Variants in SOX5 observed in about 807,000 individuals in gnomAD.
SOX5 encodes transcription factor SOX-5.
In SOX5, 9 loss-of-function variants were observed where a neutral mutation model predicts 92.0. That is an observed-to-expected ratio of 0.10 (90% CI 0.06 to 0.17). The LOEUF is 0.17. Ranked by LOEUF, SOX5 falls within the 10% of genes least tolerant of loss-of-function variation. SOX5 has a pLI of 1.00. For synonymous variants in SOX5, 344 were observed against 336.3 expected, an observed-to-expected ratio of 1.02 and a Z score of -0.25; for missense variants, 642 against 944.5, an observed-to-expected ratio of 0.68 and a Z score of 4.20.
At chr12:23,778,506 C>A (rs2095177436) in intron 3 of SOX5, among the ~76,000 whole-genome samples, 1 of 152,096 alleles carries the variant, frequency 6.6e-6, no homozygotes, top group Non-Finnish European at 1.5e-5. Flanking sequence ...ATGTGTAGGG[C>A]ATAAAATGGG....
At chr12:24,037,871 G>A (rs544313231) in intron 4 of SOX5, among the ~76,000 whole-genome samples, 10 of 152,094 alleles carry the variant, frequency 6.6e-5, no homozygotes, top group Non-Finnish European at 1.2e-4. Context: ...AGTCCTAATG[G>A]TACTATTACC....
intron 2 of SOX5, among the ~76,000 whole-genome samples, chr12:23,884,369 A>C (rs552145596): frequency 6.6e-6 from 1 of 152,310 alleles, no homozygotes; most frequent in Admixed American, 6.5e-5. Context: ...CCAGAACACA[A>C]ATTAATATAT....
At chr12:23,868,060 TCTCC>T (rs1002358624) in intron 2 of SOX5, among the ~76,000 whole-genome samples, 5 of 151,468 alleles carry the variant, frequency 3.3e-5, no homozygotes, top group African/African-American at 1.2e-4. Flanking sequence ...TCCCTCCTTC[TCTCC>T]CTCCCTCACT....
intron 3 of SOX5, among the ~76,000 whole-genome samples, chr12:24,259,960 T>C (rs1941847771): frequency 6.6e-6 from 1 of 152,124 alleles, no homozygotes; most frequent in South Asian, 2.1e-4. Flanking sequence ...GAAAGACGAA[T>C]TGGAGATTAA....
At chr12:24,236,726 G>T (rs1464500) in intron 3 of SOX5, among the ~76,000 whole-genome samples, 119,397 of 152,138 alleles carry the variant, frequency 0.78, 47,771 homozygotes, top group East Asian at 0.97. Context: ...CTTTGTTGAA[G>T]TGAATTCAGT....
intron 11 of SOX5, among the ~76,000 whole-genome samples, chr12:23,551,405 T>A (rs966925497): frequency 6.6e-6 from 1 of 151,900 alleles, no homozygotes; most frequent in African/African-American, 2.4e-5. Context: ...TCAATTTTTT[T>A]AGAAAATAAT....
At chr12:23,951,092 G>A (rs1386907957), upstream of SOX5, 2 of 479,328 alleles carry the variant, frequency 4.2e-6, no homozygotes, top group Non-Finnish European at 7.5e-6. Flanking sequence ...AAGGGAAAGA[G>A]AGGAAAAAAA....
chr12:23,706,813 A>T (rs2091447587), intron 6 of SOX5, among the ~76,000 whole-genome samples: 1 of 152,002 alleles, frequency 6.6e-6, no homozygotes. Flanking sequence ...ACTATAAACT[A>T]CTTATTTCTC....
intron 2 of SOX5, among the ~76,000 whole-genome samples, chr12:24,289,611 G>C (rs922152543): frequency 7.0e-6 from 1 of 143,566 alleles, no homozygotes; most frequent in Non-Finnish European, 1.5e-5. Flanking sequence ...CCGCCACTAC[G>C]CCCGGCTAAT....
At chr12:23,849,881 A>G (rs143561117) in intron 2 of SOX5, among the ~76,000 whole-genome samples, 1 of 152,278 alleles carries the variant, frequency 6.6e-6, no homozygotes, top group East Asian at 1.9e-4. Flanking sequence ...CTATGTTTTT[A>G]TAACTATCTT....
intron 4 of SOX5, among the ~76,000 whole-genome samples, chr12:23,972,979 C>T (rs944504838): frequency 6.6e-6 from 1 of 152,060 alleles, no homozygotes; most frequent in African/African-American, 2.4e-5. Context: ...TTACCACTCC[C>T]TCCCCCCAAG....
At chr12:23,759,063 ACACT>A (rs1435441294) in intron 3 of SOX5, among the ~76,000 whole-genome samples, 22 of 133,226 alleles carry the variant, frequency 1.7e-4, no homozygotes, top group African/African-American at 5.6e-4. Context: ...ACACACACAC[ACACT>A]GTCCCTCATT....
chr12:24,087,214 T>C (rs1018852539), intron 4 of SOX5, among the ~76,000 whole-genome samples: 3 of 152,038 alleles, frequency 2.0e-5, no homozygotes, highest in African/African-American at 7.2e-5. Flanking sequence ...TATAGAATGG[T>C]AATAATAATC....
chr12:24,522,597 C>T (rs924324825), intron 1 of SOX5, among the ~76,000 whole-genome samples: 5 of 151,938 alleles, frequency 3.3e-5, no homozygotes, highest in African/African-American at 4.8e-5. Context: ...GCATTTATCC[C>T]GGGGATGTAA....
chr12:24,495,154 A>G (rs1457175182), intron 1 of SOX5, among the ~76,000 whole-genome samples: 1 of 152,222 alleles, frequency 6.6e-6, no homozygotes, highest in African/African-American at 2.4e-5. Flanking sequence ...GAAACAGTGA[A>G]ATTTACTTCT....
At chr12:24,467,118 C>T (rs954737847) in intron 1 of SOX5, among the ~76,000 whole-genome samples, 1 of 152,164 alleles carries the variant, frequency 6.6e-6, no homozygotes, top group Admixed American at 6.5e-5. Context: ...TACACAGGTA[C>T]ATTTAAGGTC....
chr12:24,021,839 A>C (rs771946181), intron 4 of SOX5, among the ~76,000 whole-genome samples: 2 of 152,194 alleles, frequency 1.3e-5, no homozygotes, highest in African/African-American at 2.4e-5. Context: ...AAGGAATGCA[A>C]TAATAGTTGT....
intron 3 of SOX5, among the ~76,000 whole-genome samples, chr12:23,804,861 T>C (rs1031387593): frequency 4.1e-5 from 6 of 145,708 alleles, no homozygotes; most frequent in Non-Finnish European, 9.0e-5. Context: ...ACCTTTCTTA[T>C]GGAATTTATT....
chr12:23,737,026 AAG>A lies in SOX5; in HGVS notation c.742-2276_742-2275del, dbSNP rs201743535. On this transcript the variant is annotated intron_variant, in intron 5 of 14. Transcript: ENST00000451604. ...TTTTTTTTTCTGAAGAAAGTGGTAA[AAG>A]AGAGAGTAGAAGGAAGATTACCTTT... Among the ~76,000 whole-genome samples, 1,163 of 152,120 alleles carry A rather than the reference AAG, an allele frequency of 7.6e-3. 11 individuals are homozygous for A. The highest frequency in any genetic ancestry group is 0.027 in the African/African-American group (1,112 of 41,494).
Sources: gnomAD v4.1 joint callset for allele counts (sites outside exome capture counted in the v4.1 genomes callset) on GRCh38, gnomAD v4.1.1 for gene constraint, MANE v1.5 for transcripts, NCBI Gene and HGNC (gene_info 2026-07-23, HGNC 2026-07-21) for gene names.